Variants in CYTH3 observed in about 807,000 individuals in gnomAD.
The protein encoded by CYTH3 is cytohesin-3.
In CYTH3, 23 loss-of-function variants were observed where a neutral mutation model predicts 55.1. That is an observed-to-expected ratio of 0.42 (90% CI 0.30 to 0.59). The LOEUF is 0.59. CYTH3 is among the 20% of genes least tolerant of loss of function. The pLI is 0.20. For missense variants in CYTH3, 413 were observed against 524.8 expected (o/e 0.79, Z 2.08); for synonymous variants, 249 against 194.9 (o/e 1.28, Z -2.31).
chr7:6,199,190 GC>G (rs1330705179), intron 1 of CYTH3, among the ~76,000 whole-genome samples: 9 of 152,292 alleles, frequency 5.9e-5, no homozygotes, highest in Non-Finnish European at 1.2e-4. Context: ...TCAGGCACTA[GC>G]CTTCCACAAA....
intron 1 of CYTH3, among the ~76,000 whole-genome samples, chr7:6,191,866 C>T (rs1295354546): frequency 6.6e-6 from 1 of 152,028 alleles, no homozygotes; most frequent in African/African-American, 2.4e-5. Flanking sequence ...CACTTGAGGC[C>T]AGGAGTTCGA....
intron 1 of CYTH3, among the ~76,000 whole-genome samples, chr7:6,217,371 T>A (rs1313207220): frequency 1.3e-5 from 2 of 151,930 alleles, no homozygotes; most frequent in African/African-American, 4.8e-5. Context: ...TTGGCTGAAG[T>A]AAAAGGATGA....
Position 6,171,197 on chromosome 7 carries a change from C to A in CYTH3, c.562+5G>T. On this transcript the variant is annotated splice_donor_5th_base_variant and intron_variant, in intron 7 of 12. Transcript: ENST00000350796. The surrounding 1 kb of genome is among the most constrained non-coding windows in gnomAD (Gnocchi z 6.7). ...AAGGGGCCAGGCTGTGGGCTCTGCA[C>A]TGACCTGTGGACTGGAAGACCCCGG... 6.2e-7 allele frequency: 1 copy of A among 1,614,094 alleles called. No individual in the cohort carries two copies. The highest frequency in any genetic ancestry group is 8.5e-7 in the Non-Finnish European group (1 of 1,179,954).
rs1203222006 is a variant in CYTH3, at chr7:6,258,312, C to CAA, written c.34+14160_34+14161dup. On this transcript the variant is annotated intron_variant, in intron 1 of 12. Transcript: ENST00000350796. ...TAGGAGACAGAGCAAGACACAGTCTCAAAAAAAAAAAAGAAAAGAAAAGAA... is the reference window on the plus strand; with the variant it reads ...TAGGAGACAGAGCAAGACACAGTCTCAAAAAAAAAAAAAAGAAAAGAAAAGAA... Among the ~76,000 whole-genome samples, 756 of 123,050 alleles carry CAA rather than the reference C, an allele frequency of 6.1e-3. 11 individuals carry two copies. The highest frequency in any genetic ancestry group is 0.023 in the African/African-American group (705 of 30,330). The allele number at this position is 123,050 out of a possible 152,430, so 80.7% of individuals were successfully genotyped here. A position where few individuals can be genotyped will look rare whatever the true frequency, so the allele number is the denominator to read the frequency against.
intron 1 of CYTH3, among the ~76,000 whole-genome samples, chr7:6,215,361 C>A (rs549419035): frequency 5.3e-5 from 8 of 152,088 alleles, no homozygotes; most frequent in African/African-American, 1.9e-4. Flanking sequence ...GATGCCGAGG[C>A]GGGCGGATCA....
At chr7:6,264,308 T>C (rs765754697) in intron 1 of CYTH3, among the ~76,000 whole-genome samples, 8 of 151,824 alleles carry the variant, frequency 5.3e-5, no homozygotes, top group South Asian at 2.1e-4. Context: ...CGCACATCTG[T>C]TGAAGTATGA....
rs1562881814 is a variant in CYTH3 at position 6,179,912 on chromosome 7, A to AC, written c.250-1972dup. Among the ~76,000 whole-genome samples, 733 of 147,004 alleles carry AC rather than the reference A, an allele frequency of 5.0e-3. 4 individuals carry two copies. The highest frequency in any genetic ancestry group is 0.018 in the African/African-American group (696 of 39,378). On this transcript the variant is annotated intron_variant, in intron 4 of 12. Transcript: ENST00000350796. ...CACACACACCCACACACAACCACAC[A>AC]CACACAAACCACACACACACACACA...
rs891737776 is a variant in CYTH3, at chr7:6,169,846, G to A, written c.823+689C>T. Reference sequence around the variant, plus strand: ...CTGCGGACCCCTAGAGACACAGGGTGGGGGGCAAGTTGGTTCCCACACAGC... The same window carrying A: ...CTGCGGACCCCTAGAGACACAGGGTAGGGGGCAAGTTGGTTCCCACACAGC... On this transcript the variant is annotated intron_variant, in intron 9 of 12. Coordinates refer to ENST00000350796, the MANE Select transcript of CYTH3 (RefSeq NM_004227.4). The surrounding 1 kb of genome is among the most constrained non-coding windows in gnomAD (Gnocchi z 4.1). 2.6e-5 allele frequency among the ~76,000 whole-genome samples: 4 copies of A among 152,108 alleles called. No individual in the cohort carries two copies. The highest frequency in any genetic ancestry group is 2.6e-4 in the Admixed American group (4 of 15,272).
At chr7:6,251,021 G>A (rs1308380030) in intron 1 of CYTH3, among the ~76,000 whole-genome samples, 1 of 152,214 alleles carries the variant, frequency 6.6e-6, no homozygotes, top group Admixed American at 6.5e-5. Context: ...GCTCACGCCT[G>A]TAATCCCAGC....
intron 1 of CYTH3, among the ~76,000 whole-genome samples, chr7:6,258,031 G>A (rs967904527): frequency 2.6e-5 from 4 of 152,162 alleles, no homozygotes; most frequent in South Asian, 2.1e-4. Flanking sequence ...GGCTGGGCAC[G>A]GTGGCTCACT....
intron 1 of CYTH3, among the ~76,000 whole-genome samples, chr7:6,194,146 A>T (rs1327789297): frequency 1.3e-5 from 2 of 152,232 alleles, no homozygotes; most frequent in Non-Finnish European, 2.9e-5. Context: ...CATGCAAAAC[A>T]GATACCGAAA....
At chr7:6,196,456 C>CTTTTT (rs5882084) in intron 1 of CYTH3, among the ~76,000 whole-genome samples, 7 of 113,980 alleles carry the variant, frequency 6.1e-5, no homozygotes, top group Admixed American at 9.3e-5. Context: ...TTCTTTTTTT[C>CTTTTT]TTTTTTTTTT....
intron 10 of CYTH3, 27 bp from the exon 11 acceptor site, chr7:6,165,643 C>A (rs765504329): frequency 1.2e-6 from 2 of 1,612,914 alleles, no homozygotes. Context: ...CACGGCGGGG[C>A]TCACTGTGGG....
At chr7:6,241,824 C>T (rs1174495067) in intron 1 of CYTH3, among the ~76,000 whole-genome samples, 3 of 151,776 alleles carry the variant, frequency 2.0e-5, no homozygotes, top group African/African-American at 2.4e-5. Flanking sequence ...AAATAAGGTG[C>T]GAAAAGGCTC....
At chr7:6,203,494 G>C (rs559041141) in intron 1 of CYTH3, among the ~76,000 whole-genome samples, 1 of 152,294 alleles carries the variant, frequency 6.6e-6, no homozygotes, top group South Asian at 2.1e-4. Context: ...TTTCTGGTAA[G>C]ATCAACAAAG....
At chr7:6,236,013 C>G (rs1343399051) in intron 1 of CYTH3, among the ~76,000 whole-genome samples, 4 of 152,164 alleles carry the variant, frequency 2.6e-5, no homozygotes, top group Non-Finnish European at 5.9e-5. Context: ...CTAGCCAATT[C>G]ACGAAGTCAC....
chr7:6,242,932 G>T (rs1243504684), intron 1 of CYTH3, among the ~76,000 whole-genome samples: 2 of 152,106 alleles, frequency 1.3e-5, no homozygotes, highest in Non-Finnish European at 2.9e-5. Context: ...AACAAAAAAA[G>T]AACCAGGTGA....
chr7:6,247,229 CTT>C (rs1257589052), intron 1 of CYTH3, among the ~76,000 whole-genome samples: 3 of 152,194 alleles, frequency 2.0e-5, no homozygotes, highest in Non-Finnish European at 4.4e-5. Flanking sequence ...TCCCTTAAAA[CTT>C]AGCCTCAGCT....
intron 1 of CYTH3, among the ~76,000 whole-genome samples, chr7:6,210,056 T>C (rs1270500153): frequency 6.6e-6 from 1 of 152,156 alleles, no homozygotes; most frequent in African/African-American, 2.4e-5. Flanking sequence ...TATGCACCTG[T>C]CAGGACCCCA....
Sources: gnomAD v4.1 joint callset for allele counts (sites outside exome capture counted in the v4.1 genomes callset) on GRCh38, gnomAD v4.1.1 for gene constraint, Gnocchi (gnomAD v3.1) non-coding constraint, MANE v1.5 for transcripts, NCBI Gene and HGNC (gene_info 2026-07-23, HGNC 2026-07-21) for gene names.